The following NAALADL2 variants were observed in gnomAD, a reference collection of about 807,000 sequenced individuals.
NAALADL2 encodes the protein N-acetylated alpha-linked acidic dipeptidase like 2.
In NAALADL2, 76 loss-of-function variants were observed where a neutral mutation model predicts 87.2. The observed-to-expected ratio is 0.87, with a 90% CI of 0.72 to 1.05. NAALADL2 has a LOEUF of 1.05. NAALADL2 is among the 50% of genes least tolerant of loss of function. The pLI is 0.00. For synonymous variants in NAALADL2, 354 were observed against 331.0 expected, an observed-to-expected ratio of 1.07 and a Z score of -0.75; for missense variants, 1,089 against 945.8, an observed-to-expected ratio of 1.15 and a Z score of -1.99.
chr3:175,347,340 G>A (rs759512995), intron 5 of NAALADL2, among the ~76,000 whole-genome samples: 29 of 152,142 alleles, frequency 1.9e-4, no homozygotes, highest in Non-Finnish European at 3.4e-4. Flanking sequence ...CAGAATTGAT[G>A]TGATGTAAAT....
intron 13 of NAALADL2, among the ~76,000 whole-genome samples, chr3:175,771,437 C>A (rs2150179512): frequency 6.6e-6 from 1 of 152,182 alleles, no homozygotes; most frequent in Admixed American, 6.5e-5. Flanking sequence ...GCTTTCATAA[C>A]AAATTGCCAT....
At chr3:174,753,362 C>T (rs1711524329) in intron 3 of NAALADL2, among the ~76,000 whole-genome samples, 1 of 152,220 alleles carries the variant, frequency 6.6e-6, no homozygotes, top group South Asian at 2.1e-4. Context: ...AGGCATGAGC[C>T]ACTGCTCCTG....
chr3:174,485,141 T>A (rs1003119534), intron 1 of NAALADL2, among the ~76,000 whole-genome samples: 5 of 151,956 alleles, frequency 3.3e-5, no homozygotes, highest in African/African-American at 1.2e-4. Context: ...ATCAAAAATA[T>A]TCAGAGGAAA....
intron 1 of NAALADL2, among the ~76,000 whole-genome samples, chr3:174,501,633 G>A (rs1249925300): frequency 6.6e-6 from 1 of 152,042 alleles, no homozygotes; most frequent in African/African-American, 2.4e-5. Context: ...GGCAGTTTGT[G>A]TCTTTAAAGG....
chr3:174,611,415 A>T (rs201897281), intron 2 of NAALADL2, among the ~76,000 whole-genome samples: 1 of 152,168 alleles, frequency 6.6e-6, no homozygotes, highest in Non-Finnish European at 1.5e-5. Context: ...TTCTGTTTAT[A>T]TCTTATTGTA....
chr3:175,466,809 C>T (rs1724103225), intron 7 of NAALADL2, among the ~76,000 whole-genome samples, 170 bp from the exon 8 acceptor site: 2 of 151,874 alleles, frequency 1.3e-5, no homozygotes, highest in Admixed American at 1.3e-4. Flanking sequence ...CTTTGATATA[C>T]ACAGATGTGT....
chr3:175,146,715 TA>T (rs1472484290), intron 2 of NAALADL2, among the ~76,000 whole-genome samples: 1 of 152,180 alleles, frequency 6.6e-6, no homozygotes, highest in Non-Finnish European at 1.5e-5. Flanking sequence ...TTTTCCCTTG[TA>T]ATTACTTGAC....
chr3:174,962,381 T>TATATATATGTCATAGTGACTATGAC lies in NAALADL2; in HGVS notation c.43+102939_43+102940insGTCATAGTGACTATGACATATATAT, dbSNP rs1742179749. On this transcript the variant is annotated intron_variant, in intron 1 of 13. Coordinates refer to ENST00000454872, the MANE Select transcript of NAALADL2 (RefSeq NM_207015.3). ...TCATAGTGACTATGACATATATATA[T>TATATATATGTCATAGTGACTATGAC]ATATATATATATATGTCATAGTGAC... 4.0e-4 allele frequency among the ~76,000 whole-genome samples: 46 copies of TATATATATGTCATAGTGACTATGAC among 114,852 alleles called. 2 individuals carry two copies. The highest frequency in any genetic ancestry group is 2.0e-3 in the African/African-American group (42 of 20,800). 75.3% of individuals were successfully genotyped at this position (114,852 alleles called of 152,430 possible).
intron 1 of NAALADL2, among the ~76,000 whole-genome samples, chr3:174,499,117 G>T (rs142937091): frequency 6.6e-6 from 1 of 152,016 alleles, no homozygotes; most frequent in Non-Finnish European, 1.5e-5. Flanking sequence ...ATAGGAAAAT[G>T]TATATGTAGG....
rs112712624 is a variant in NAALADL2 at position 175,083,403 on chromosome 3, G to A, written c.44-13387G>A. Among the ~76,000 whole-genome samples, 1,049 of 152,162 alleles carry A rather than the reference G, an allele frequency of 6.9e-3. 20 individuals are homozygous for A. Among genetic ancestry groups the A allele is most frequent in the African/African-American group, 0.024 (1,011 of 41,516 alleles). ...TGAAAGAATGATTCATTTAATTAAC[G>A]TTAACCAACTTTTATTCATCAGTTG... is the stretch of plus-strand genomic sequence containing the variant. On this transcript the variant is annotated intron_variant, in intron 1 of 13. Transcript: ENST00000454872.
intron 9 of NAALADL2, among the ~76,000 whole-genome samples, chr3:175,486,253 C>G (rs988571195): frequency 6.6e-6 from 1 of 152,156 alleles, no homozygotes; most frequent in African/African-American, 2.4e-5. Flanking sequence ...AACATATTAC[C>G]TTTATCCTGC....
At chr3:175,719,701 G>A (rs1247676437) in intron 11 of NAALADL2, among the ~76,000 whole-genome samples, 2 of 152,122 alleles carry the variant, frequency 1.3e-5, no homozygotes, top group Non-Finnish European at 2.9e-5. Flanking sequence ...CTGATAGCCA[G>A]TCTCACTTGG....
intron 9 of NAALADL2, among the ~76,000 whole-genome samples, chr3:175,546,947 T>A (rs1713437186): frequency 6.6e-6 from 1 of 152,116 alleles, no homozygotes; most frequent in Non-Finnish European, 1.5e-5. Context: ...AAGAAATACA[T>A]GCTGATGGAT....
chr3:175,133,372 G>A (rs1348440742), intron 2 of NAALADL2, among the ~76,000 whole-genome samples: 1 of 152,210 alleles, frequency 6.6e-6, no homozygotes, highest in African/African-American at 2.4e-5. Context: ...AAGGCAGGCG[G>A]CTGGGAGGTG....
intron 13 of NAALADL2, among the ~76,000 whole-genome samples, chr3:175,765,033 T>G (rs1364803475): frequency 6.6e-6 from 1 of 152,142 alleles, no homozygotes; most frequent in East Asian, 1.9e-4. Flanking sequence ...TTGTCATTAA[T>G]TCTATGAGCA....
At chr3:174,666,416 A>G (rs1163343929) in intron 2 of NAALADL2, among the ~76,000 whole-genome samples, 1 of 150,168 alleles carries the variant, frequency 6.7e-6, no homozygotes, top group Non-Finnish European at 1.5e-5. Flanking sequence ...CTAATTTAAA[A>G]ATAGCTATAT....
intron 13 of NAALADL2, among the ~76,000 whole-genome samples, chr3:175,794,520 C>T (rs1753215347): frequency 6.6e-6 from 1 of 151,994 alleles, no homozygotes. Context: ...TATAAGTTTT[C>T]TTTATTGTTA....
chr3:174,979,598 C>A (rs1208401652), intron 1 of NAALADL2, among the ~76,000 whole-genome samples: 2 of 152,056 alleles, frequency 1.3e-5, no homozygotes, highest in Non-Finnish European at 2.9e-5. Flanking sequence ...AACCACCACA[C>A]CCAGCCCATT....
At chr3:174,925,065 T>C (rs764282209) in intron 1 of NAALADL2, among the ~76,000 whole-genome samples, 1 of 152,208 alleles carries the variant, frequency 6.6e-6, no homozygotes, top group Non-Finnish European at 1.5e-5. Flanking sequence ...GTGTAAGCTC[T>C]TTCGTTTAAT....
Sources: gnomAD v4.1 joint callset for allele counts (sites outside exome capture counted in the v4.1 genomes callset) on GRCh38, gnomAD v4.1.1 for gene constraint, MANE v1.5 for transcripts, NCBI Gene and HGNC (gene_info 2026-07-23, HGNC 2026-07-21) for gene names.